ARHGEF40: variants seen among roughly 807,000 people sequenced by gnomAD.
ARHGEF40 encodes the protein Rho guanine nucleotide exchange factor 40.
A neutral mutation model predicts 165.9 loss-of-function variants in ARHGEF40; 98 were observed. That is an observed-to-expected ratio of 0.59 (90% CI 0.50 to 0.70). ARHGEF40 has a LOEUF of 0.70. ARHGEF40 is among the 30% of genes least tolerant of loss of function. The pLI is 0.00. For missense variants in ARHGEF40, 1,815 were observed against 1,968.0 expected, an observed-to-expected ratio of 0.92 and a Z score of 1.47; for synonymous variants, 792 against 814.3, an observed-to-expected ratio of 0.97 and a Z score of 0.47.
Position 21,088,815 on chromosome 14 carries a change from C to A in ARHGEF40, c.4519-15C>A. 1 of 1,606,270 alleles carries A rather than the reference C, an allele frequency of 6.2e-7. No homozygotes were observed. The highest frequency in any genetic ancestry group is 8.5e-7 in the Non-Finnish European group (1 of 1,175,102). Reference sequence around the variant, plus strand: ...AAATATGTCCCTAAATTCACTGTAGCTTCTCTCCCCCCAGAGTCATGCTCG... The same window carrying A: ...AAATATGTCCCTAAATTCACTGTAGATTCTCTCCCCCCAGAGTCATGCTCG... On this transcript the variant is annotated splice_polypyrimidine_tract_variant and intron_variant, in intron 22 of 23. Coordinates refer to ENST00000298694, the MANE Select transcript of ARHGEF40 (RefSeq NM_018071.5).
Position 21,074,230 on chromosome 14 carries a change from T to C in ARHGEF40, c.500T>C (p.Leu167Pro). ...RPTGRLSTCL[L>P]SAPSGIQRLP... The stretch of plus-strand genomic sequence containing the variant: ...ACAGGTCGCCTCAGTACCTGCCTAC[T>C]GTCTGCGCCCTCTGGGATTCAGCGG... The change falls in exon 3 of 24, where the codon CTG becomes CCG. Residue 167 changes from leucine (L) to proline (P), a missense_variant. Leu to Pro is a moderately conservative substitution (Grantham distance 98). Transcript: ENST00000298694. The surrounding 1 kb of genome is among the most constrained non-coding windows in gnomAD (Gnocchi z 4.8). 6.2e-7 allele frequency: 1 copy of C among 1,614,172 alleles called. No individual in the cohort carries two copies. The highest frequency in any genetic ancestry group is 8.5e-7 in the Non-Finnish European group (1 of 1,180,038).
At position 21,081,294 on chromosome 14, in the gene ARHGEF40, T is replaced by A. The variant is rs572449349; in HGVS notation, c.2641-215T>A. On this transcript the variant is annotated intron_variant, in intron 13 of 23. Coordinates refer to ENST00000298694, the MANE Select transcript of ARHGEF40 (RefSeq NM_018071.5). ...GAGCCTGCCACTCATAAATGTCGTA[T>A]GAGTACCGGTTATTCTTTTATATAG... The A allele has an allele frequency of 1.3e-4, 104 of 785,076 alleles. 1 individual carries two copies. Among genetic ancestry groups the A allele is most frequent in the African/African-American group, 1.3e-3 (73 of 57,256 alleles). The allele number at this position is 785,076 out of a possible 1,614,324, so 48.6% of individuals were successfully genotyped here.
Position 21,081,502 on chromosome 14 carries a change from TTCG to T in ARHGEF40, c.2641-5_2641-3del. The T allele has an allele frequency of 1.2e-6, 2 of 1,612,656 alleles. No individual in the cohort carries two copies. Among genetic ancestry groups the T allele is most frequent in the Non-Finnish European group, 1.7e-6 (2 of 1,179,804 alleles). On this transcript the variant is annotated splice_polypyrimidine_tract_variant and splice_region_variant and intron_variant, in intron 13 of 23. Coordinates refer to ENST00000298694, the MANE Select transcript of ARHGEF40 (RefSeq NM_018071.5). ...CTCTCCCATCCCCAACCCCTTTGAC[TTCG>T]TAGGCACATGAATGGGTGGATGAGG...
upstream of ARHGEF40, chr14:21,070,238 G>C (rs1439186138): frequency 4.2e-6 from 3 of 708,482 alleles, no homozygotes; most frequent in Non-Finnish European, 5.6e-6. This position sits in a 1 kb window ranked among gnomAD's most constrained non-coding sequence, Gnocchi z 4.7. Context: ...CCTCCCTGGC[G>C]GGGCCCCGCG....
chr14:21,065,234 A>G, the ARHGEF40 span, among the ~76,000 whole-genome samples: 1 of 151,738 alleles, frequency 6.6e-6, no homozygotes, highest in Non-Finnish European at 1.5e-5. Flanking sequence ...ACTTGCAAAT[A>G]TCCTCCAACA....
intron 22 of ARHGEF40, among the ~76,000 whole-genome samples, chr14:21,088,344 A>T (rs1454163510): frequency 6.6e-6 from 1 of 152,040 alleles, no homozygotes; most frequent in Non-Finnish European, 1.5e-5. Context: ...GGTGGATGGA[A>T]AGGGGAGAAT....
At chr14:21,077,279 A>ATTTTTTTTTTT (rs143561266) in intron 8 of ARHGEF40, among the ~76,000 whole-genome samples, 2 of 108,506 alleles carry the variant, frequency 1.8e-5, no homozygotes, top group Admixed American at 1.1e-4. Flanking sequence ...TAGTTTTTGT[A>ATTTTTTTTTTT]TTTTTTTTTT....
rs977274146 is a variant in ARHGEF40 at position 21,075,864 on chromosome 14, G to C, written c.1739+99G>C. The C allele has an allele frequency of 1.2e-5, 18 of 1,450,458 alleles. No homozygotes were observed. Among genetic ancestry groups the C allele is most frequent in the Admixed American group, 6.5e-5 (3 of 46,434 alleles). The allele number at this position is 1,450,458 out of a possible 1,614,324, so 89.8% of individuals were successfully genotyped here. A position where few individuals can be genotyped will look rare whatever the true frequency, so the allele number is the denominator to read the frequency against. ...AGGACACTGACCTTCTGACCTCTAA[G>C]GACACCTACTTCTTCAACCTTCAGA... On this transcript the variant is annotated intron_variant, in intron 5 of 23. Coordinates refer to ENST00000298694, the MANE Select transcript of ARHGEF40 (RefSeq NM_018071.5). This position sits in a 1 kb window ranked among gnomAD's most constrained non-coding sequence, Gnocchi z 4.5.
chr14:21,087,863 C>T, intron 21 of ARHGEF40, 105 bp from the exon 22 acceptor site: 1 of 1,502,934 alleles, frequency 6.7e-7, no homozygotes, highest in South Asian at 1.1e-5. Context: ...TGACTCACAG[C>T]TTCCTGTTGC....
upstream of ARHGEF40, among the ~76,000 whole-genome samples, chr14:21,067,118 A>G (rs1735194745): frequency 6.6e-6 from 1 of 152,224 alleles, no homozygotes; most frequent in African/African-American, 2.4e-5. Flanking sequence ...GATGGCAGTC[A>G]TAGCTCTTGG....
In ARHGEF40 at chr14:21,070,837, A is replaced by C; in HGVS notation, c.3+438A>C. 1 of 1,535,516 alleles carries C rather than the reference A, an allele frequency of 6.5e-7. No individual in the cohort carries two copies. On this transcript the variant is annotated intron_variant, in intron 1 of 23. Coordinates refer to ENST00000298694, the MANE Select transcript of ARHGEF40 (RefSeq NM_018071.5). This position sits in a 1 kb window ranked among gnomAD's most constrained non-coding sequence, Gnocchi z 4.7. ...GGTCATGAGAACTGACCTGCATGGA[A>C]CCACCATTTTCCATCCCTGTCCCCA...
At position 21,076,566 on chromosome 14, in the gene ARHGEF40, T is replaced by C; in HGVS notation, c.1840T>C (p.Ser614Pro). Residue 614 changes from serine (S) to proline (P), a missense_variant, in exon 7 of 24, where the codon TCA (serine) becomes CCA (proline). Ser to Pro is a moderately conservative substitution (Grantham distance 74). Transcript: ENST00000298694. ...LIPALSQLQDSGDPPLVQRLL... is the reference protein window; with the variant it reads ...LIPALSQLQDPGDPPLVQRLL... ...GGTTATTCTTTTCTGCCCTTAGGAC[T>C]CAGGAGATCCTCCCCTTGTTCAGCG... 1 of 1,614,256 alleles carries C rather than the reference T, an allele frequency of 6.2e-7. No individual in the cohort carries two copies. Among genetic ancestry groups the C allele is most frequent in the Non-Finnish European group, 8.5e-7 (1 of 1,180,046 alleles).
intron 17 of ARHGEF40, 39 bp downstream of exon 17, chr14:21,084,089 C>T (rs528219903): frequency 1.9e-6 from 3 of 1,545,290 alleles, no homozygotes; most frequent in African/African-American, 2.7e-5. Flanking sequence ...TCAAACTGCC[C>T]AGCCCTGGCC....
At chr14:21,088,151 G>A in intron 22 of ARHGEF40, 53 bp downstream of exon 22, 1 of 1,551,366 alleles carries the variant, frequency 6.4e-7, no homozygotes, top group Non-Finnish European at 8.7e-7. Context: ...GCTGCTTTCT[G>A]GATGGGCTTT....
chr14:21,085,967 G>A (rs1011190888), intron 19 of ARHGEF40, 101 bp downstream of exon 19: 2 of 1,320,322 alleles, frequency 1.5e-6, no homozygotes, highest in Admixed American at 4.2e-5. Context: ...TTTATAGGAT[G>A]AAGAAAGAAT....
intron 19 of ARHGEF40, 144 bp from the exon 20 acceptor site, chr14:21,086,857 A>C: frequency 1.5e-6 from 1 of 654,966 alleles, no homozygotes; most frequent in East Asian, 2.8e-5. Context: ...AGAAGGAGTA[A>C]AAAGAGACAT....
chr14:21,070,319 C>A lies in ARHGEF40; in HGVS notation c.-78C>A. The A allele has an allele frequency of 2.2e-6, 3 of 1,381,972 alleles. No homozygotes were observed. The highest frequency in any genetic ancestry group is 2.8e-6 in the Non-Finnish European group (3 of 1,068,878). 85.6% of individuals were successfully genotyped at this position (1,381,972 alleles called of 1,614,324 possible). A position where few individuals can be genotyped will look rare whatever the true frequency, so the allele number is the denominator to read the frequency against. ...TCCCTTAGCCAGACCCGGCGAGACA[C>A]GAGCGGCGGGAGGGAGGCGGTGGCG... On this transcript the variant is annotated 5_prime_UTR_variant, in exon 1 of 24. Transcript: ENST00000298694. This position sits in a 1 kb window ranked among gnomAD's most constrained non-coding sequence, Gnocchi z 4.7.
Position 21,084,773 on chromosome 14 carries a change from A to C in ARHGEF40, c.3810A>C (p.Gly1270=). The C allele has an allele frequency of 1.2e-6, 2 of 1,613,762 alleles. No homozygotes were observed. The highest frequency in any genetic ancestry group is 1.7e-6 in the Non-Finnish European group (2 of 1,179,964). ...TCCAGATAGATCTGAAGGAGCAGGG[A>C]CAGCTCTTGCATCGAGACCCCTTCA... ...RGCEIDLKEQ[G]QLLHRDPFTV... The change falls in exon 18 of 24, where the codon GGA becomes GGC. Residue 1270 remains glycine (G), a synonymous_variant. Coordinates refer to ENST00000298694, the MANE Select transcript of ARHGEF40 (RefSeq NM_018071.5).
rs769803653 is a variant in ARHGEF40 at position 21,081,644 on chromosome 14, G to A, written c.2776G>A (p.Ala926Thr). The A allele has an allele frequency of 1.2e-5, 20 of 1,608,534 alleles. No homozygotes were observed. The Middle Eastern group carries it at 1.5e-3, about 119-fold the overall frequency. Reference sequence around the variant, plus strand: ...CACCTTCCAGGAGATGCGGGCCCTGGCCCTGGACCTGGGCAGCCCAGCAGC... The same window carrying A: ...CACCTTCCAGGAGATGCGGGCCCTGACCCTGGACCTGGGCAGCCCAGCAGC... ...AGTFQEMRAL[A>T]LDLGSPAALR... is the part of the protein sequence containing the mutation. Residue 926 changes from alanine (A) to threonine (T), a missense_variant, in exon 14 of 24, where the codon GCC becomes ACC. Transcript: ENST00000298694.
Sources: gnomAD v4.1 joint callset for allele counts (sites outside exome capture counted in the v4.1 genomes callset) on GRCh38, gnomAD v4.1.1 for gene constraint, Gnocchi (gnomAD v3.1) non-coding constraint, MANE v1.5 for transcripts, NCBI Gene and HGNC (gene_info 2026-07-23, HGNC 2026-07-21) for gene names.